Variants in HDAC8 observed in about 807,000 individuals in gnomAD.
The protein encoded by HDAC8 is histone deacetylase 8, also known as histone deacetylase-like 1.
In HDAC8, 1 loss-of-function variant was observed where a neutral mutation model predicts 32.2. That is an observed-to-expected ratio of 0.03 (90% CI 0.01 to 0.15). The LOEUF (loss-of-function observed/expected upper bound fraction) is 0.15. Among genes scored for constraint, HDAC8 ranks in the 10% least tolerant of loss-of-function variants. The probability of loss-of-function intolerance (pLI) is 1.00; values close to 1 mark genes in which losing one functional copy is unlikely to be tolerated. For missense variants in HDAC8, 117 were observed against 300.0 expected (o/e 0.39, Z 4.51); for synonymous variants, 108 against 113.9 (o/e 0.95, Z 0.33).
chrX:72,374,875 C>T (rs1441065468), intron 9 of HDAC8, among the ~76,000 whole-genome samples: 1 of 106,030 alleles, frequency 9.4e-6, no homozygotes, highest in African/African-American at 3.5e-5. Context: ...GGTGTGATCA[C>T]AGCTTGTTGC....
At chrX:72,495,006 A>G (rs1428219750) in intron 5 of HDAC8, 150 bp downstream of exon 5, 2 of 415,035 alleles carry the variant, frequency 4.8e-6, no homozygotes, top group Non-Finnish European at 8.2e-6. Flanking sequence ...AATTGCATCA[A>G]TTAGAGGAAT....
chrX:72,562,323 A>G (rs2051595805), intron 4 of HDAC8, among the ~76,000 whole-genome samples: 1 of 112,763 alleles, frequency 8.9e-6, no homozygotes, highest in Non-Finnish European at 1.9e-5. Flanking sequence ...AATGTTTTAT[A>G]TATACACCAT....
intron 9 of HDAC8, among the ~76,000 whole-genome samples, chrX:72,359,552 G>A (rs1451452522): frequency 9.0e-6 from 1 of 111,025 alleles, no homozygotes; most frequent in Non-Finnish European, 1.9e-5. Flanking sequence ...GAGAGCACAG[G>A]AAGCCTTGAT....
chrX:72,552,452 A>G (rs2051109393), intron 4 of HDAC8, among the ~76,000 whole-genome samples: 1 of 111,533 alleles, frequency 9.0e-6, no homozygotes, highest in Non-Finnish European at 1.9e-5. Flanking sequence ...CTCTACTAAA[A>G]GTAAAAAAAT....
intron 8 of HDAC8, among the ~76,000 whole-genome samples, chrX:72,463,803 T>C (rs1001042284): frequency 1.8e-5 from 2 of 111,673 alleles, no homozygotes; most frequent in African/African-American, 6.5e-5. Flanking sequence ...TCTTCTATAA[T>C]ATATGCATTT....
chrX:72,547,174 G>T (rs1459466984), intron 4 of HDAC8, among the ~76,000 whole-genome samples: 1 of 111,192 alleles, frequency 9.0e-6, no homozygotes, highest in Non-Finnish European at 1.9e-5. Context: ...GGTCATTAAT[G>T]ACCATCTTAA....
chrX:72,557,886 GA>G (rs2051337751), intron 4 of HDAC8, among the ~76,000 whole-genome samples: 1 of 111,812 alleles, frequency 8.9e-6, no homozygotes, highest in African/African-American at 3.2e-5. Flanking sequence ...AGCTCAAGTA[GA>G]AATGAAATGG....
chrX:72,464,858 C>A (rs961275191), intron 7 of HDAC8, 127 bp from the exon 8 acceptor site: 1 of 456,937 alleles, frequency 2.2e-6, no homozygotes, highest in Non-Finnish European at 3.8e-6. Context: ...ACCTGTCAAA[C>A]TCATCAAACT....
At chrX:72,438,494 G>C (rs1555980248) in intron 9 of HDAC8, among the ~76,000 whole-genome samples, 3 of 111,566 alleles carry the variant, frequency 2.7e-5, no homozygotes, top group African/African-American at 9.8e-5. Context: ...GCTTCAGAAG[G>C]TGGGTAATAA....
intron 4 of HDAC8, among the ~76,000 whole-genome samples, chrX:72,514,274 G>A (rs949917689): frequency 8.9e-6 from 1 of 111,875 alleles, no homozygotes; most frequent in Admixed American, 9.5e-5. Flanking sequence ...GCCTGAAACC[G>A]GTGGACAGGC....
chrX:72,359,756 A>C (rs1318789466), intron 9 of HDAC8, among the ~76,000 whole-genome samples: 1 of 110,932 alleles, frequency 9.0e-6, no homozygotes, highest in Non-Finnish European at 1.9e-5. Context: ...GTGGATGGGA[A>C]AGAGATACTG....
intron 4 of HDAC8, among the ~76,000 whole-genome samples, chrX:72,547,551 A>C (rs1348918324): frequency 9.1e-6 from 1 of 110,290 alleles, no homozygotes; most frequent in Admixed American, 9.7e-5. Context: ...TCTGGATATC[A>C]AATTTCCCTA....
At chrX:72,347,341 C>A (rs1351481729) in intron 10 of HDAC8, among the ~76,000 whole-genome samples, 2 of 111,757 alleles carry the variant, frequency 1.8e-5, no homozygotes, top group Admixed American at 1.9e-4. Context: ...TGTCTTCTGC[C>A]TCCCCCTTCC....
intron 4 of HDAC8, among the ~76,000 whole-genome samples, chrX:72,501,466 G>GCACACCTAT (rs2049214676): frequency 1.8e-5 from 2 of 111,181 alleles, no homozygotes; most frequent in South Asian, 7.6e-4. Context: ...AAATAAGGCT[G>GCACACCTAT]CACACCTATC....
intron 4 of HDAC8, among the ~76,000 whole-genome samples, chrX:72,544,408 T>A (rs2050798993): frequency 9.0e-6 from 1 of 111,707 alleles, no homozygotes; most frequent in Non-Finnish European, 1.9e-5. Flanking sequence ...AGGTCATTTT[T>A]TTGTGTGACA....
At chrX:72,508,963 T>C (rs1012082361) in intron 4 of HDAC8, among the ~76,000 whole-genome samples, 1 of 112,303 alleles carries the variant, frequency 8.9e-6, no homozygotes, top group East Asian at 2.8e-4. Context: ...CTGATGAATT[T>C]GGAGTTAAGT....
chrX:72,383,027 G>GA (rs1272681512), intron 9 of HDAC8, among the ~76,000 whole-genome samples: 1 of 112,024 alleles, frequency 8.9e-6, no homozygotes, highest in African/African-American at 3.2e-5. Context: ...GGATGTAAAA[G>GA]AAAAGCATAC....
intron 7 of HDAC8, among the ~76,000 whole-genome samples, chrX:72,466,068 C>A (rs1194769300): frequency 8.9e-6 from 1 of 112,121 alleles, no homozygotes; most frequent in East Asian, 2.8e-4. Context: ...GGAAGATAAG[C>A]TAACTGAATA....
chrX:72,500,316 G>A (rs1182578143), intron 4 of HDAC8, among the ~76,000 whole-genome samples: 1 of 111,275 alleles, frequency 9.0e-6, no homozygotes, highest in Admixed American at 9.5e-5. Context: ...ACCTGGCAGA[G>A]ATACAACAAA....
Sources: gnomAD v4.1 joint callset for allele counts (sites outside exome capture counted in the v4.1 genomes callset) on GRCh38, gnomAD v4.1.1 for gene constraint, MANE v1.5 for transcripts, NCBI Gene and HGNC (gene_info 2026-07-23, HGNC 2026-07-21) for gene names.